The following PLCB1 variants were observed in gnomAD, a reference collection of about 807,000 sequenced individuals.
PLCB1 encodes phospholipase C beta 1, also known as 1-phosphatidylinositol 4,5-bisphosphate phosphodiesterase beta-1.
Under a neutral mutation model 161.8 loss-of-function variants are expected in PLCB1, and 46 were observed. That is an observed-to-expected ratio of 0.28 (90% CI 0.22 to 0.36). PLCB1 has a LOEUF of 0.36. PLCB1 is among the 10% of genes least tolerant of loss of function. PLCB1 has a pLI of 1.00. For synonymous variants in PLCB1, 517 were observed against 503.7 expected (o/e 1.03, Z -0.35); for missense variants, 1,016 against 1,472.5 (o/e 0.69, Z 5.07).
chr20:8,687,224 T>C (rs539162660), intron 10 of PLCB1, among the ~76,000 whole-genome samples: 5 of 152,150 alleles, frequency 3.3e-5, no homozygotes, highest in South Asian at 2.1e-4. Context: ...AAGGTCTCAC[T>C]ATGTTGCCCA....
chr20:8,525,906 G>T (rs1984568215), intron 3 of PLCB1, among the ~76,000 whole-genome samples: 1 of 151,578 alleles, frequency 6.6e-6, no homozygotes, highest in Non-Finnish European at 1.5e-5. Flanking sequence ...ATGAAAATTG[G>T]GATTGAAAAT....
At chr20:8,207,132 T>G (rs1299931648) in intron 2 of PLCB1, among the ~76,000 whole-genome samples, 1 of 151,612 alleles carries the variant, frequency 6.6e-6, no homozygotes, top group Admixed American at 6.6e-5. Flanking sequence ...TAAATTCTCT[T>G]CTGCTGTTAT....
Position 8,644,790 on chromosome 20 carries a change from G to A in PLCB1, c.385-1312G>A, listed in dbSNP as rs1198707961. 7.6e-3 allele frequency among the ~76,000 whole-genome samples: 1,155 copies of A among 151,572 alleles called. 13 individuals carry two copies. The highest frequency in any genetic ancestry group is 0.01 in the Non-Finnish European group (684 of 67,702). ...CGGCCGCCCCTACTGGGAAGTGAGG[G>A]GCCCCTCTGCTCGGCCACCACCCCG... On this transcript the variant is annotated intron_variant, in intron 4 of 31. Coordinates refer to ENST00000338037, the MANE Select transcript of PLCB1 (RefSeq NM_015192.4).
chr20:8,471,236 T>C (rs1982039707), intron 3 of PLCB1, among the ~76,000 whole-genome samples: 1 of 152,154 alleles, frequency 6.6e-6, no homozygotes, highest in Admixed American at 6.6e-5. Flanking sequence ...ATAAACGGGA[T>C]GGAGTGTTTT....
At chr20:8,579,691 G>A (rs969293338) in intron 3 of PLCB1, among the ~76,000 whole-genome samples, 2 of 152,108 alleles carry the variant, frequency 1.3e-5, no homozygotes, top group Non-Finnish European at 2.9e-5. Flanking sequence ...ACAAAATGCT[G>A]AGAAAGTTTG....
intron 2 of PLCB1, among the ~76,000 whole-genome samples, chr20:8,300,545 TTTA>T (rs1215470238): frequency 2.6e-5 from 4 of 152,112 alleles, no homozygotes; most frequent in Non-Finnish European, 4.4e-5. Flanking sequence ...GTGGTTTTTT[TTTA>T]TTATTATTAT....
At position 8,882,793 on chromosome 20, in the gene PLCB1, A is replaced by T. The variant is rs902805654; in HGVS notation, c.*944A>T. 4 of 152,298 alleles carry T rather than the reference A, an allele frequency of 2.6e-5. No individual in the cohort carries two copies. Among genetic ancestry groups the T allele is most frequent in the African/African-American group, 7.2e-5 (3 of 41,454 alleles). 9.4% of individuals were successfully genotyped at this position (152,298 alleles called of 1,614,324 possible). ...TCATTTATTTTTAATATAGAGAGGAAGATTGAATATTTATCTAGAGAATAC... is the reference window on the plus strand; with the variant it reads ...TCATTTATTTTTAATATAGAGAGGATGATTGAATATTTATCTAGAGAATAC... On this transcript the variant is annotated 3_prime_UTR_variant, in exon 32 of 32. Coordinates refer to ENST00000338037, the MANE Select transcript of PLCB1 (RefSeq NM_015192.4).
intron 12 of PLCB1, among the ~76,000 whole-genome samples, chr20:8,712,820 T>G (rs532902534): frequency 2.6e-5 from 4 of 152,242 alleles, no homozygotes; most frequent in Non-Finnish European, 4.4e-5. Context: ...GGGAGTATTT[T>G]ATTATGCTCA....
intron 2 of PLCB1, among the ~76,000 whole-genome samples, chr20:8,171,984 A>G (rs2051737172): frequency 1.3e-5 from 2 of 151,946 alleles, no homozygotes; most frequent in Non-Finnish European, 2.9e-5. Flanking sequence ...TGCGTATCAT[A>G]TGTTCTAGTG....
At chr20:8,436,788 T>A (rs529264100) in intron 3 of PLCB1, among the ~76,000 whole-genome samples, 1 of 152,182 alleles carries the variant, frequency 6.6e-6, no homozygotes, top group South Asian at 2.1e-4. Context: ...TTTTATTTAT[T>A]TATTTATTTA....
At chr20:8,528,310 A>T (rs1032447527) in intron 3 of PLCB1, among the ~76,000 whole-genome samples, 1 of 152,132 alleles carries the variant, frequency 6.6e-6, no homozygotes, top group African/African-American at 2.4e-5. Context: ...GTCTATCAAT[A>T]GGACAATGGA....
At chr20:8,777,775 A>G (rs1983017249) in intron 27 of PLCB1, among the ~76,000 whole-genome samples, 1 of 152,046 alleles carries the variant, frequency 6.6e-6, no homozygotes, top group Admixed American at 6.6e-5. Flanking sequence ...CCATGCTTCT[A>G]ATAAAGACAT....
chr20:8,455,565 C>T (rs926934385), intron 3 of PLCB1, among the ~76,000 whole-genome samples: 29 of 150,694 alleles, frequency 1.9e-4, no homozygotes, highest in African/African-American at 6.3e-4. Context: ...CTCAGCCTCC[C>T]GAGTAGCTGG....
intron 3 of PLCB1, among the ~76,000 whole-genome samples, chr20:8,517,055 T>A (rs1984159724): frequency 6.6e-6 from 1 of 151,892 alleles, no homozygotes; most frequent in African/African-American, 2.4e-5. Context: ...TCTTGAAGGA[T>A]CAGAAAAAAT....
intron 2 of PLCB1, among the ~76,000 whole-genome samples, chr20:8,291,022 C>A (rs1386068379): frequency 6.6e-6 from 1 of 150,560 alleles, no homozygotes; most frequent in Non-Finnish European, 1.5e-5. Flanking sequence ...AGTGGACCCT[C>A]CAGTAACAAT....
chr20:8,594,935 T>C (rs796163967), intron 3 of PLCB1, among the ~76,000 whole-genome samples: 49 of 152,258 alleles, frequency 3.2e-4, no homozygotes, highest in African/African-American at 9.1e-4. Context: ...TTTTGAATTG[T>C]TTTTAAATTT....
intron 25 of PLCB1, 103 bp from the exon 26 acceptor site, chr20:8,765,036 C>A: frequency 1.2e-6 from 1 of 865,788 alleles, no homozygotes; most frequent in Non-Finnish European, 1.8e-6. Context: ...TAAACTCTAG[C>A]TGGGCAAGAT....
intron 3 of PLCB1, among the ~76,000 whole-genome samples, chr20:8,377,419 A>G (rs926095082): frequency 3.3e-5 from 5 of 152,150 alleles, no homozygotes; most frequent in African/African-American, 1.2e-4. Flanking sequence ...TGGAAGAGGG[A>G]AGGCTTCTGA....
At chr20:8,629,814 TTC>T (rs1324992632) in intron 4 of PLCB1, among the ~76,000 whole-genome samples, 2 of 94,928 alleles carry the variant, frequency 2.1e-5, no homozygotes, top group Non-Finnish European at 4.4e-5. Context: ...TTTCTTTTCT[TTC>T]TTTTCTTTCT....
Sources: allele counts gnomAD v4.1 joint callset (sites outside exome capture counted in the v4.1 genomes callset), GRCh38; gene constraint gnomAD v4.1.1; transcripts MANE v1.5; gene names NCBI Gene and HGNC (gene_info 2026-07-23, HGNC 2026-07-21).